Variants in GREB1L observed in about 807,000 individuals in gnomAD.
GREB1L encodes the protein GREB1-like protein.
GREB1L carries 17 observed loss-of-function variants against 200.8 expected under a neutral mutation model. The ratio of observed to expected loss-of-function variants is 0.08; its 90% CI spans 0.06 to 0.13. GREB1L has a LOEUF of 0.13. Ranked by LOEUF, GREB1L falls within the 10% of genes least tolerant of loss-of-function variation. The probability of loss-of-function intolerance (pLI) is 1.00; values close to 1 mark genes in which losing one functional copy is unlikely to be tolerated. For missense variants in GREB1L, 1,657 were observed against 2,367.7 expected (o/e 0.70, Z 6.23); for synonymous variants, 789 against 893.0 (o/e 0.88, Z 2.08).
At chr18:21,268,558 C>CAT (rs1244082888) in intron 1 of GREB1L, among the ~76,000 whole-genome samples, 256 of 86,624 alleles carry the variant, frequency 3.0e-3, no homozygotes, top group Middle Eastern at 0.011. Context: ...CACACACACA[C>CAT]ACATATATAT....
At chr18:21,325,285 A>G (rs1354334048) in intron 1 of GREB1L, among the ~76,000 whole-genome samples, 2 of 152,124 alleles carry the variant, frequency 1.3e-5, no homozygotes, top group African/African-American at 2.4e-5. Context: ...TGTTAGTTAT[A>G]ATAAGTTGAT....
chr18:21,316,743 T>G (rs1421399432), intron 1 of GREB1L: 1 of 151,528 alleles, frequency 6.6e-6, no homozygotes, highest in Non-Finnish European at 1.5e-5. Context: ...AGTGTTACCA[T>G]GATTTATGAC....
At chr18:21,327,128 A>G (rs2039034447) in intron 1 of GREB1L, among the ~76,000 whole-genome samples, 1 of 152,168 alleles carries the variant, frequency 6.6e-6, no homozygotes, top group South Asian at 2.1e-4. Context: ...AAATTTTAAA[A>G]TGTTATTTTC....
At position 21,252,075 on chromosome 18, in the gene GREB1L, C is replaced by T. The variant is rs150569092; in HGVS notation, c.-120+9682C>T. ...TTGTCACTAGCTATTCACAGAACCA[C>T]TATTCCAAATGGTCAATAAGTATGA... On this transcript the variant is annotated intron_variant, in intron 1 of 32. Coordinates refer to ENST00000424526, the MANE Select transcript of GREB1L (RefSeq NM_001142966.3). 2.8e-3 allele frequency among the ~76,000 whole-genome samples: 419 copies of T among 152,156 alleles called. 3 individuals are homozygous for T. The highest frequency in any genetic ancestry group is 9.7e-3 in the African/African-American group (404 of 41,494).
chr18:21,363,290 C>G (rs1345005702), intron 1 of GREB1L, among the ~76,000 whole-genome samples: 2 of 97,646 alleles, frequency 2.0e-5, no homozygotes, highest in Non-Finnish European at 4.2e-5. Flanking sequence ...CCCCCCCGCC[C>G]CCCCCCCCCC....
chr18:21,317,212 A>G (rs1439170880), intron 1 of GREB1L, among the ~76,000 whole-genome samples: 1 of 152,064 alleles, frequency 6.6e-6, no homozygotes, highest in Non-Finnish European at 1.5e-5. Context: ...GTCTCTAAAA[A>G]TCAATCAATG....
At chr18:21,310,278 T>G (rs780281624) in intron 1 of GREB1L, among the ~76,000 whole-genome samples, 15 of 152,238 alleles carry the variant, frequency 9.9e-5, no homozygotes, top group Non-Finnish European at 2.1e-4. Flanking sequence ...AAGGTAAGTG[T>G]ATCTTCAAGA....
At chr18:21,405,750 G>A (rs113955924) in intron 7 of GREB1L, among the ~76,000 whole-genome samples, 2,001 of 152,218 alleles carry the variant, frequency 0.013, 42 homozygotes, top group African/African-American at 0.045. Flanking sequence ...GCAATGAGCC[G>A]AGATTGTGCC....
At chr18:21,410,313 C>G (rs1199431180) in intron 7 of GREB1L, among the ~76,000 whole-genome samples, 1 of 151,912 alleles carries the variant, frequency 6.6e-6, no homozygotes, top group African/African-American at 2.4e-5. Context: ...AAAAATATGT[C>G]AAATTATGTT....
At chr18:21,406,058 T>TAAAA (rs34222462) in intron 7 of GREB1L, among the ~76,000 whole-genome samples, 2 of 124,896 alleles carry the variant, frequency 1.6e-5, no homozygotes, top group Non-Finnish European at 3.4e-5. Context: ...AGACCCTGTC[T>TAAAA]AAAAAAAAAA....
At chr18:21,409,509 G>A (rs1402110794) in intron 7 of GREB1L, among the ~76,000 whole-genome samples, 1 of 152,132 alleles carries the variant, frequency 6.6e-6, no homozygotes, top group Non-Finnish European at 1.5e-5. Context: ...TAGTTGAAAT[G>A]GGCAAATTTT....
At chr18:21,414,701 G>T (rs2031449304) in intron 7 of GREB1L, among the ~76,000 whole-genome samples, 1 of 152,118 alleles carries the variant, frequency 6.6e-6, no homozygotes, top group South Asian at 2.1e-4. Flanking sequence ...ACGTATGTCA[G>T]ATTTCAAGAG....
At chr18:21,485,854 A>G (rs1178527239) in intron 18 of GREB1L, 101 bp downstream of exon 18, 3 of 1,160,704 alleles carry the variant, frequency 2.6e-6, no homozygotes, top group Non-Finnish European at 3.6e-6. Context: ...TGTTTGATGG[A>G]GCCCTTGCAG....
intron 18 of GREB1L, among the ~76,000 whole-genome samples, chr18:21,486,564 C>A (rs1358105511): frequency 6.6e-6 from 1 of 152,010 alleles, no homozygotes. Flanking sequence ...GAATTCAGTT[C>A]TTGGGGCTCC....
chr18:21,292,304 G>T (rs1430586974), intron 1 of GREB1L, among the ~76,000 whole-genome samples: 2 of 152,144 alleles, frequency 1.3e-5, no homozygotes. Flanking sequence ...TTTGATGCTT[G>T]TACCAAAAAA....
chr18:21,372,870 G>A (rs1368771781), intron 2 of GREB1L, among the ~76,000 whole-genome samples: 5 of 152,166 alleles, frequency 3.3e-5, no homozygotes, highest in Admixed American at 6.5e-5. Context: ...GCGGTGAGCC[G>A]AGATCATGCC....
intron 2 of GREB1L, among the ~76,000 whole-genome samples, chr18:21,382,880 A>G (rs1163608584): frequency 6.6e-6 from 1 of 152,210 alleles, no homozygotes; most frequent in Non-Finnish European, 1.5e-5. Context: ...GTTTTTTGCC[A>G]TATACTTAAT....
intron 11 of GREB1L, among the ~76,000 whole-genome samples, chr18:21,447,542 A>T (rs2034291514): frequency 6.6e-6 from 1 of 152,190 alleles, no homozygotes; most frequent in African/African-American, 2.4e-5. Flanking sequence ...TCAATTAATT[A>T]TGCCTCCTGA....
chr18:21,415,128 G>C, intron 7 of GREB1L, among the ~76,000 whole-genome samples: 1 of 152,256 alleles, frequency 6.6e-6, no homozygotes, highest in South Asian at 2.1e-4. Flanking sequence ...AAAGAAGAGA[G>C]AAACCCACAG....
Sources: gnomAD v4.1 joint callset for allele counts (sites outside exome capture counted in the v4.1 genomes callset) on GRCh38, gnomAD v4.1.1 for gene constraint, MANE v1.5 for transcripts, NCBI Gene and HGNC (gene_info 2026-07-23, HGNC 2026-07-21) for gene names.